Variants in PCDHA4 observed in about 807,000 individuals in gnomAD.
The protein encoded by PCDHA4 is protocadherin alpha 4, also known as protocadherin alpha-4.
A neutral mutation model predicts 61.4 loss-of-function variants in PCDHA4; 49 were observed. That is an observed-to-expected ratio of 0.80 (90% CI 0.63 to 1.01). PCDHA4 has a LOEUF of 1.01. PCDHA4 is among the 50% of genes least tolerant of loss of function. The pLI is 0.00. For missense variants in PCDHA4, 1,254 were observed against 1,235.8 expected (o/e 1.01, Z -0.22); for synonymous variants, 590 against 550.3 (o/e 1.07, Z -1.01).
intron 1 of PCDHA4, chr5:140,865,597 G>A (rs1391602074): frequency 6.6e-6 from 1 of 152,154 alleles, no homozygotes; most frequent in Non-Finnish European, 1.5e-5. Context: ...CATTGTTTGA[G>A]CAGTTTATTA....
chr5:140,850,195 C>A, intron 1 of PCDHA4: 1 of 1,593,610 alleles, frequency 6.3e-7, no homozygotes, highest in South Asian at 1.1e-5. Context: ...GCGCTGCTGA[C>A]ACCTCGGATG....
At position 140,848,822 on chromosome 5, in the gene PCDHA4, CG is replaced by C. The variant is rs2150421614; in HGVS notation, c.2385+39251del. ...AGTGCAGCATCCACCTGGAGGTGAT[CG>C]TAGACAGGCCGCTGCAGGTTTTCCA... is the stretch of plus-strand genomic sequence containing the variant. On this transcript the variant is annotated intron_variant, in intron 1 of 3. Coordinates refer to ENST00000530339, the MANE Select transcript of PCDHA4 (RefSeq NM_018907.4). 4.4e-6 allele frequency: 7 copies of C among 1,590,462 alleles called. 1 individual carries two copies. Among genetic ancestry groups the C allele is most frequent in the Admixed American group, 3.4e-5 (2 of 58,802 alleles).
intron 1 of PCDHA4, chr5:140,841,148 C>G: frequency 1.3e-6 from 1 of 776,052 alleles, no homozygotes. Context: ...CATGATGTCG[C>G]TGTCTACCAA....
chr5:140,937,371 T>C (rs2153632940), intron 1 of PCDHA4, among the ~76,000 whole-genome samples: 1 of 152,314 alleles, frequency 6.6e-6, no homozygotes, highest in Non-Finnish European at 1.5e-5. Context: ...TCTTAATGTT[T>C]ATGTGTGTGT....
At position 140,982,527 on chromosome 5, in the gene PCDHA4, G is replaced by A. The variant is rs2096986081; in HGVS notation, c.2497G>A (p.Asp833Asn). ...TCTACGGGCTGGTCCAGGAGGGCCT[G>A]ATCAGCAGTGGCCAACAGTATCCAG... is the stretch of plus-strand genomic sequence containing the variant. ...GILRAGPGGP[D>N]QQWPTVSSAT... is the part of the protein sequence containing the mutation. Residue 833 changes from aspartate to asparagine, a missense_variant, in exon 3 of 4, where the codon GAT becomes AAT. By Grantham distance (23) the Asp-to-Asn change is conservative. Coordinates refer to ENST00000530339, the MANE Select transcript of PCDHA4 (RefSeq NM_018907.4). 1 of 1,614,218 alleles carries A rather than the reference G, an allele frequency of 6.2e-7. No individual in the cohort carries two copies. Among genetic ancestry groups the A allele is most frequent in the Admixed American group, 1.7e-5 (1 of 60,034 alleles).
Position 141,010,456 on chromosome 5 carries a change from TATC to T in PCDHA4, c.*521_*523del. The T allele has an allele frequency of 1.1e-6, 1 of 877,088 alleles. No individual in the cohort carries two copies. The highest frequency in any genetic ancestry group is 3.0e-5 in the Admixed American group (1 of 33,582). The allele number at this position is 877,088 out of a possible 1,614,324, so 54.3% of individuals were successfully genotyped here. On this transcript the variant is annotated 3_prime_UTR_variant, in exon 4 of 4. Transcript: ENST00000530339. ...ACAAAGACAAATAAACAGCGGAAGT[TATC>T]AGTATGGAGGGGAAGTGTAAACTTA... is the stretch of plus-strand genomic sequence containing the variant.
intron 1 of PCDHA4, among the ~76,000 whole-genome samples, chr5:140,890,587 G>T (rs2062701287): frequency 6.6e-6 from 1 of 151,988 alleles, no homozygotes; most frequent in African/African-American, 2.4e-5. Flanking sequence ...TTATTTGGAA[G>T]CCCTTTTCCG....
At chr5:140,841,406 G>C (rs2150314785) in intron 1 of PCDHA4, 3 of 1,613,082 alleles carry the variant, frequency 1.9e-6, no homozygotes, top group Non-Finnish European at 1.7e-6. Context: ...GGTGGGGAGC[G>C]GCCAGCTCCA....
chr5:140,930,824 T>C (rs545304113), intron 1 of PCDHA4, among the ~76,000 whole-genome samples: 16 of 152,342 alleles, frequency 1.1e-4, no homozygotes, highest in African/African-American at 3.8e-4. Context: ...TAGTAAATGC[T>C]GACTGAATGA....
intron 1 of PCDHA4, chr5:140,835,466 G>C: frequency 6.2e-7 from 1 of 1,613,902 alleles, no homozygotes. Flanking sequence ...CTATTCCAGA[G>C]GACGCCCAAC....
intron 1 of PCDHA4, among the ~76,000 whole-genome samples, chr5:140,936,994 TA>T (rs1472246875): frequency 6.6e-6 from 1 of 152,140 alleles, no homozygotes; most frequent in Non-Finnish European, 1.5e-5. Context: ...ACATTGACAA[TA>T]TTGAGACAGA....
Position 140,956,487 on chromosome 5 carries a change from C to G in PCDHA4, c.2386-22462C>G, listed in dbSNP as rs2095287981. The stretch of plus-strand genomic sequence containing the variant: ...GCATATGTTGAACCAGTCTTGCATC[C>G]CAGGGATGAAGCCTACTTGATCATG... On this transcript the variant is annotated intron_variant, in intron 1 of 3. Transcript: ENST00000530339. Among the ~76,000 whole-genome samples, 2 of 152,032 alleles carry G rather than the reference C, an allele frequency of 1.3e-5. 1 individual carries two copies. Among genetic ancestry groups the G allele is most frequent in the Admixed American group, 1.3e-4 (2 of 15,252 alleles).
At chr5:140,963,032 T>G (rs541613535) in intron 1 of PCDHA4, among the ~76,000 whole-genome samples, 2 of 152,172 alleles carry the variant, frequency 1.3e-5, no homozygotes, top group African/African-American at 2.4e-5. Flanking sequence ...CAATTAACAT[T>G]TATTGAGAGT....
chr5:140,879,787 T>C (rs1409881516), intron 1 of PCDHA4, among the ~76,000 whole-genome samples: 2 of 152,204 alleles, frequency 1.3e-5, no homozygotes. Flanking sequence ...AATCTGGTTT[T>C]TGTTTCTTCC....
At chr5:140,921,538 A>C (rs572073676) in intron 1 of PCDHA4, among the ~76,000 whole-genome samples, 2 of 152,344 alleles carry the variant, frequency 1.3e-5, no homozygotes, top group Admixed American at 6.5e-5. Flanking sequence ...CTGATAGAAC[A>C]TTCTGCAAAA....
chr5:140,813,492 A>G (rs939104206), intron 1 of PCDHA4: 1 of 152,216 alleles, frequency 6.6e-6, no homozygotes, highest in Non-Finnish European at 1.5e-5. Flanking sequence ...TAAACATCTA[A>G]AAGGTACAGT....
chr5:140,970,752 T>A (rs1324041619), intron 1 of PCDHA4, among the ~76,000 whole-genome samples: 1 of 152,244 alleles, frequency 6.6e-6, no homozygotes, highest in Non-Finnish European at 1.5e-5. Context: ...CAATATATTT[T>A]CATTGACATA....
rs1019397100 is a variant in PCDHA4, at chr5:140,953,409, G to A, written c.2386-25540G>A. On this transcript the variant is annotated intron_variant, in intron 1 of 3. Transcript: ENST00000530339. ...TGTGGATTACAGTGCTGTTGCTCCTGGCTCCTCCCCTTTGTCCTTAAGCTG... is the reference window on the plus strand; with the variant it reads ...TGTGGATTACAGTGCTGTTGCTCCTAGCTCCTCCCCTTTGTCCTTAAGCTG... Among the ~76,000 whole-genome samples, 14 of 152,194 alleles carry A rather than the reference G, an allele frequency of 9.2e-5. No individual in the cohort carries two copies. The South Asian group carries it at 2.9e-3, about 32-fold the overall frequency.
rs145265581 is a variant in PCDHA4, at chr5:140,822,948, C to G, written c.2385+13376C>G. The G allele has an allele frequency of 1.9e-5, 31 of 1,614,076 alleles. No homozygotes were observed. In the African/African-American group the frequency reaches 2.4e-4, roughly 13 times the overall value. ...AGGTGACCTGCTCCCTAATGCCCCACGTTCCCTTCAAGCTGGTGTCCACCT... is the reference window on the plus strand; with the variant it reads ...AGGTGACCTGCTCCCTAATGCCCCAGGTTCCCTTCAAGCTGGTGTCCACCT... On this transcript the variant is annotated intron_variant, in intron 1 of 3. Coordinates refer to ENST00000530339, the MANE Select transcript of PCDHA4 (RefSeq NM_018907.4).
Sources: allele counts gnomAD v4.1 joint callset (sites outside exome capture counted in the v4.1 genomes callset), GRCh38; gene constraint gnomAD v4.1.1; transcripts MANE v1.5; gene names NCBI Gene and HGNC (gene_info 2026-07-23, HGNC 2026-07-21).